CAMTA1: variants seen among roughly 807,000 people sequenced by gnomAD.
CAMTA1 encodes the protein calmodulin-binding transcription activator 1.
In CAMTA1, 27 loss-of-function variants were observed where a neutral mutation model predicts 170.9. That is an observed-to-expected ratio of 0.16 (90% CI 0.12 to 0.22). The LOEUF (loss-of-function observed/expected upper bound fraction) is 0.22. CAMTA1 is among the 10% of genes least tolerant of loss of function. CAMTA1 has a pLI of 1.00. For missense variants in CAMTA1, 1,619 were observed against 2,217.2 expected (o/e 0.73, Z 5.42); for synonymous variants, 833 against 891.5 (o/e 0.93, Z 1.17).
At chr1:6,951,458 C>T (rs911808123) in intron 3 of CAMTA1, among the ~76,000 whole-genome samples, 2 of 152,146 alleles carry the variant, frequency 1.3e-5, no homozygotes, top group East Asian at 3.8e-4. Flanking sequence ...AGAAGCCTGG[C>T]ACATATTGGA....
At chr1:7,560,675 G>A (rs951480811) in intron 6 of CAMTA1, among the ~76,000 whole-genome samples, 2 of 152,054 alleles carry the variant, frequency 1.3e-5, no homozygotes, top group African/African-American at 2.4e-5. Flanking sequence ...CACCGCGGCC[G>A]GTGTGCATCT....
At chr1:7,284,432 G>C (rs952377456) in intron 5 of CAMTA1, among the ~76,000 whole-genome samples, 1 of 151,996 alleles carries the variant, frequency 6.6e-6, no homozygotes, top group Admixed American at 6.6e-5. Flanking sequence ...TTGAACTCCT[G>C]ACCTCGTGAT....
chr1:7,460,136 C>T (rs2093047991), intron 5 of CAMTA1, among the ~76,000 whole-genome samples: 1 of 152,268 alleles, frequency 6.6e-6, no homozygotes, highest in African/African-American at 2.4e-5. Flanking sequence ...TCGGCCCCTG[C>T]AGCTTCACCC....
chr1:6,863,958 ATT>A (rs1215598554), intron 3 of CAMTA1, among the ~76,000 whole-genome samples: 1 of 152,142 alleles, frequency 6.6e-6, no homozygotes, highest in African/African-American at 2.4e-5. Flanking sequence ...CAGACTAAGT[ATT>A]TTATACAGTG....
At chr1:7,192,475 G>A (rs1204604061) in intron 4 of CAMTA1, among the ~76,000 whole-genome samples, 3 of 152,214 alleles carry the variant, frequency 2.0e-5, no homozygotes, top group East Asian at 1.9e-4. Flanking sequence ...TGGAAATCCC[G>A]TCATTGTAGA....
intron 4 of CAMTA1, among the ~76,000 whole-genome samples, chr1:7,212,609 C>G (rs961031822): frequency 6.6e-6 from 1 of 152,082 alleles, no homozygotes; most frequent in African/African-American, 2.4e-5. Context: ...ATCCATGCAC[C>G]CTTTGAGCTG....
intron 6 of CAMTA1, among the ~76,000 whole-genome samples, chr1:7,577,679 G>A (rs532742197): frequency 4.1e-4 from 62 of 152,198 alleles, no homozygotes; most frequent in African/African-American, 1.5e-3. Context: ...GGTCTCATAA[G>A]GTTTTATTTA....
chr1:7,461,270 C>T (rs917839989), intron 5 of CAMTA1, among the ~76,000 whole-genome samples: 4 of 152,186 alleles, frequency 2.6e-5, no homozygotes, highest in African/African-American at 7.2e-5. Context: ...GTCCTCATCC[C>T]TTGAAGCCCT....
At chr1:7,701,694 T>G (rs1187720997) in intron 11 of CAMTA1, among the ~76,000 whole-genome samples, 2 of 152,080 alleles carry the variant, frequency 1.3e-5, no homozygotes, top group Non-Finnish European at 2.9e-5. Context: ...GTACTGGGAT[T>G]ACAGGTGTGA....
intron 4 of CAMTA1, among the ~76,000 whole-genome samples, chr1:7,197,083 G>A (rs930982826): frequency 1.3e-5 from 2 of 151,978 alleles, no homozygotes; most frequent in African/African-American, 4.8e-5. Flanking sequence ...TCACACACAC[G>A]GGTCATCTGG....
intron 5 of CAMTA1, among the ~76,000 whole-genome samples, chr1:7,364,239 T>C (rs2085790171): frequency 6.6e-6 from 1 of 152,328 alleles, no homozygotes; most frequent in Middle Eastern, 3.4e-3. Context: ...GCGAGGTGTC[T>C]TAGTCCATGC....
intron 11 of CAMTA1, among the ~76,000 whole-genome samples, chr1:7,722,658 C>A (rs1177653627): frequency 6.6e-6 from 1 of 151,946 alleles, no homozygotes; most frequent in Non-Finnish European, 1.5e-5. Flanking sequence ...TTTTGAGATA[C>A]AGGAGTTAAA....
Position 7,633,648 on chromosome 1 carries a change from G to A in CAMTA1, c.511-6752G>A, listed in dbSNP as rs745763409. On this transcript the variant is annotated intron_variant, in intron 6 of 22. Transcript: ENST00000303635. The surrounding 1 kb of genome is among the most constrained non-coding windows in gnomAD (Gnocchi z 4.1). ...TGCCCCCTAGCAGGCTTGTTGGCCC[G>A]TGTGCTGGAGCAGCTTGGCGGCACC... Among the ~76,000 whole-genome samples the A allele has an allele frequency of 2.0e-5, 3 of 152,208 alleles. No individual in the cohort carries two copies. The highest frequency in any genetic ancestry group is 4.4e-5 in the Non-Finnish European group (3 of 68,022).
At chr1:6,895,903 C>T (rs772075048) in intron 3 of CAMTA1, among the ~76,000 whole-genome samples, 6 of 152,168 alleles carry the variant, frequency 3.9e-5, no homozygotes, top group Non-Finnish European at 4.4e-5. Flanking sequence ...TTTTTGTCCT[C>T]AGCTCTTCCC....
chr1:7,159,633 T>C (rs571193762), intron 4 of CAMTA1, among the ~76,000 whole-genome samples: 102 of 152,250 alleles, frequency 6.7e-4, no homozygotes, highest in African/African-American at 2.3e-3. Context: ...AGCCTTGAAC[T>C]CCTGGGCTCG....
chr1:7,665,087 A>C lies in CAMTA1; in HGVS notation c.2540A>C (p.His847Pro), dbSNP rs1465462898. 1 of 1,550,192 alleles carries C rather than the reference A, an allele frequency of 6.5e-7. No individual in the cohort carries two copies. The highest frequency in any genetic ancestry group is 8.7e-7 in the Non-Finnish European group (1 of 1,148,554). ...EGGASTMAYM[H>P]VAEVVSAASA... The stretch of plus-strand genomic sequence containing the variant: ...GGGGCCAGCACCATGGCCTACATGC[A>C]CGTCGCCGAGGTGGTCTCGGCCGCC... The change falls in exon 9 of 23, where the codon CAC (histidine) becomes CCC (proline). Residue 847 changes from histidine (H) to proline (P), a missense_variant. By Grantham distance (77) the His-to-Pro change is moderately conservative. This residue lies in a region of CAMTA1 where 731 missense variants were observed against 907.6 expected (regional missense o/e 0.81). Coordinates refer to ENST00000303635, the MANE Select transcript of CAMTA1 (RefSeq NM_015215.4). The surrounding 1 kb of genome is among the most constrained non-coding windows in gnomAD (Gnocchi z 4.3).
chr1:7,400,274 A>AT (rs2149197691), intron 5 of CAMTA1, among the ~76,000 whole-genome samples: 1 of 152,002 alleles, frequency 6.6e-6, no homozygotes, highest in African/African-American at 2.4e-5. Context: ...TCTCAATTAC[A>AT]TTTTTAATTT....
chr1:7,610,612 A>C (rs1353855699), intron 6 of CAMTA1, among the ~76,000 whole-genome samples: 2 of 152,168 alleles, frequency 1.3e-5, no homozygotes, highest in Non-Finnish European at 2.9e-5. Flanking sequence ...GCCTGTCAGC[A>C]ACAGTTGCAG....
At chr1:7,493,716 T>TTC (rs2093778599) in intron 6 of CAMTA1, among the ~76,000 whole-genome samples, 1 of 152,152 alleles carries the variant, frequency 6.6e-6, no homozygotes. Context: ...TCAGGGCACC[T>TTC]TCTCGAGGAT....
Sources: allele counts gnomAD v4.1 joint callset (sites outside exome capture counted in the v4.1 genomes callset), GRCh38; gene constraint gnomAD v4.1.1; regional missense constraint gnomAD v4.1.1; non-coding constraint Gnocchi (gnomAD v3.1); transcripts MANE v1.5; gene names NCBI Gene and HGNC (gene_info 2026-07-23, HGNC 2026-07-21).